The following RBFOX1 variants were observed in gnomAD, a reference collection of about 807,000 sequenced individuals.
RBFOX1 encodes the protein RNA binding protein fox-1 homolog 1.
In RBFOX1, 8 loss-of-function variants were observed where a neutral mutation model predicts 57.7. The ratio of observed to expected loss-of-function variants is 0.14; its 90% CI spans 0.08 to 0.25. The LOEUF (loss-of-function observed/expected upper bound fraction) is 0.25. RBFOX1 is among the 10% of genes least tolerant of loss of function. RBFOX1 has a pLI of 1.00. For missense variants in RBFOX1, 611 were observed against 548.5 expected (o/e 1.11, Z -1.14); for synonymous variants, 326 against 222.4 (o/e 1.47, Z -4.15).
intron 2 of RBFOX1, among the ~76,000 whole-genome samples, chr16:6,553,315 A>G (rs919832567): frequency 1.8e-4 from 27 of 152,352 alleles, no homozygotes; most frequent in African/African-American, 5.8e-4. Context: ...TGAAATAAAG[A>G]TCGTGAAGTG....
At chr16:6,943,593 A>T (rs1273580221) in intron 3 of RBFOX1, among the ~76,000 whole-genome samples, 1 of 152,016 alleles carries the variant, frequency 6.6e-6, no homozygotes. Context: ...CTGTAGTCCC[A>T]GCTACTTGGG....
intron 3 of RBFOX1, among the ~76,000 whole-genome samples, chr16:6,815,957 GTATTAA>G (rs2089975797): frequency 6.6e-6 from 1 of 152,200 alleles, no homozygotes; most frequent in South Asian, 2.1e-4. Context: ...ATCTTTAAGA[GTATTAA>G]TATTAAGGTT....
At chr16:7,368,503 GAAC>G (rs1017619787) in intron 4 of RBFOX1, among the ~76,000 whole-genome samples, 1 of 151,976 alleles carries the variant, frequency 6.6e-6, no homozygotes, top group Non-Finnish European at 1.5e-5. Context: ...TTGGAGCCGG[GAAC>G]AGTGGCTCAC....
chr16:7,056,014 A>G (rs1267851391), intron 4 of RBFOX1, among the ~76,000 whole-genome samples: 1 of 152,048 alleles, frequency 6.6e-6, no homozygotes, highest in Non-Finnish European at 1.5e-5. Context: ...TTTTCTACCC[A>G]TCTTGGCATT....
chr16:7,008,734 T>C (rs1251821421), intron 3 of RBFOX1, among the ~76,000 whole-genome samples: 1 of 690 alleles, frequency 1.4e-3, no homozygotes. Context: ...CTCCCTCCCT[T>C]CCTCCCTCCC....
At chr16:7,226,107 C>A (rs940657382) in intron 4 of RBFOX1, among the ~76,000 whole-genome samples, 5 of 152,096 alleles carry the variant, frequency 3.3e-5, no homozygotes, top group African/African-American at 9.6e-5. Context: ...GGACTGAGAT[C>A]CTATCACTTT....
intron 3 of RBFOX1, among the ~76,000 whole-genome samples, chr16:5,652,123 G>C (rs1477785630): frequency 6.6e-6 from 1 of 152,130 alleles, no homozygotes; most frequent in East Asian, 1.9e-4. Context: ...AACATAGTGA[G>C]ACTCCATCTA....
chr16:7,557,795 A>G (rs2152630685), intron 5 of RBFOX1, among the ~76,000 whole-genome samples: 1 of 152,114 alleles, frequency 6.6e-6, no homozygotes. Context: ...TGGGGGAAGG[A>G]GCGGGAGAGG....
In RBFOX1 at chr16:7,467,651, G is replaced by C. The variant is rs191777978; in HGVS notation, c.28-50496G>C. 2.6e-5 allele frequency among the ~76,000 whole-genome samples: 4 copies of C among 152,306 alleles called. 1 individual carries two copies. The highest frequency in any genetic ancestry group is 4.1e-4 in the South Asian group (2 of 4,826). ...TGATAATAAGAGTGACCTTGCTAGG[G>C]TGTCTGAGGATTAAATAAGATTGTA... On this transcript the variant is annotated intron_variant, in intron 4 of 15. Coordinates refer to ENST00000550418, the MANE Select transcript of RBFOX1 (RefSeq NM_018723.4).
chr16:7,010,576 GTT>G (rs1462690414), intron 3 of RBFOX1, among the ~76,000 whole-genome samples: 1 of 151,834 alleles, frequency 6.6e-6, no homozygotes, highest in Non-Finnish European at 1.5e-5. Flanking sequence ...TTGAGACAGA[GTT>G]TTTCTCTGTC....
At chr16:7,268,931 G>T (rs2153104000) in intron 4 of RBFOX1, among the ~76,000 whole-genome samples, 1 of 151,278 alleles carries the variant, frequency 6.6e-6, no homozygotes, top group African/African-American at 2.4e-5. Flanking sequence ...CAGCTACTCA[G>T]GAGCCTGAGG....
At chr16:6,686,350 C>T (rs1047994865) in intron 3 of RBFOX1, among the ~76,000 whole-genome samples, 1 of 152,184 alleles carries the variant, frequency 6.6e-6, no homozygotes, top group African/African-American at 2.4e-5. Flanking sequence ...TCCTCCTTTG[C>T]TTTATTGATG....
At chr16:5,843,008 T>C (rs1363137121) in intron 3 of RBFOX1, among the ~76,000 whole-genome samples, 2 of 151,964 alleles carry the variant, frequency 1.3e-5, no homozygotes, top group African/African-American at 4.8e-5. Context: ...TTTTTTTCTT[T>C]AGTAGAGACG....
chr16:6,837,493 C>G lies in RBFOX1; in HGVS notation c.-16+182843C>G, dbSNP rs138649480. 2.5e-3 allele frequency among the ~76,000 whole-genome samples: 376 copies of G among 152,248 alleles called. 2 individuals are homozygous for G. Among genetic ancestry groups the G allele is most frequent in the Non-Finnish European group, 3.9e-3 (266 of 68,016 alleles). On this transcript the variant is annotated intron_variant, in intron 3 of 15. Coordinates refer to ENST00000550418, the MANE Select transcript of RBFOX1 (RefSeq NM_018723.4). ...GTGATGAGAACTAGACATGGATGAACATAACCATGTCCTATGCAGTACCGG... is the reference window on the plus strand; with the variant it reads ...GTGATGAGAACTAGACATGGATGAAGATAACCATGTCCTATGCAGTACCGG...
intron 1 of RBFOX1, among the ~76,000 whole-genome samples, chr16:5,447,127 G>A (rs370737235): frequency 1.2e-3 from 187 of 152,194 alleles, no homozygotes; most frequent in African/African-American, 3.7e-3. Context: ...TGGTCTCTGC[G>A]TCCAGTAGTT....
intron 1 of RBFOX1, among the ~76,000 whole-genome samples, chr16:6,083,599 C>A (rs1035965156): frequency 4.1e-4 from 63 of 152,270 alleles, no homozygotes; most frequent in Admixed American, 1.3e-4. Flanking sequence ...GCCTCAGCCT[C>A]CCAAGTAGCT....
intron 4 of RBFOX1, among the ~76,000 whole-genome samples, chr16:7,200,691 G>C (rs535017013): frequency 6.6e-6 from 1 of 152,262 alleles, no homozygotes; most frequent in Non-Finnish European, 1.5e-5. Context: ...CCAAATTAAA[G>C]GATAATAATG....
intron 4 of RBFOX1, among the ~76,000 whole-genome samples, chr16:7,180,424 A>T (rs1040215713): frequency 1.3e-5 from 2 of 152,176 alleles, no homozygotes; most frequent in Non-Finnish European, 2.9e-5. Context: ...TTGTCATCAG[A>T]TGCCGGGCAA....
chr16:6,844,429 A>T (rs1361349754), intron 3 of RBFOX1, among the ~76,000 whole-genome samples: 1 of 152,100 alleles, frequency 6.6e-6, no homozygotes, highest in Non-Finnish European at 1.5e-5. Context: ...TACTACTTAT[A>T]AGTAAGAACA....
Sources: gnomAD v4.1 joint callset for allele counts (sites outside exome capture counted in the v4.1 genomes callset) on GRCh38, gnomAD v4.1.1 for gene constraint, MANE v1.5 for transcripts, NCBI Gene and HGNC (gene_info 2026-07-23, HGNC 2026-07-21) for gene names.